The following ZNF441 variants were observed in gnomAD, a reference collection of about 807,000 sequenced individuals.
ZNF441 encodes zinc finger protein 441.
A neutral mutation model predicts 64.5 loss-of-function variants in ZNF441; 25 were observed. That is an observed-to-expected ratio of 0.39 (90% confidence interval 0.28 to 0.54). The LOEUF is 0.54. ZNF441 is among the 20% of genes least tolerant of loss of function. ZNF441 has a pLI of 0.70. For synonymous variants in ZNF441, 262 were observed against 268.0 expected (o/e 0.98, Z 0.22); for missense variants, 715 against 843.3 (o/e 0.85, Z 1.88).
At chr19:11,777,805 C>A in intron 2 of ZNF441, 68 bp downstream of exon 2, 1 of 1,549,570 alleles carries the variant, frequency 6.5e-7, no homozygotes, top group South Asian at 1.2e-5. Flanking sequence ...CAATGCTGTT[C>A]AATTATTTGA....
Position 11,781,959 on chromosome 19 carries a change from T to A in ZNF441, c.*53T>A. ...TGAGAAAGCCTTAAGTACTTTCAGC[T>A]TCTTACAAATACATAAGAGACTCAC... On this transcript the variant is annotated 3_prime_UTR_variant, in exon 4 of 4. Coordinates refer to ENST00000357901, the MANE Select transcript of ZNF441 (RefSeq NM_152355.3). 1 of 1,400,142 alleles carries A rather than the reference T, an allele frequency of 7.1e-7. No homozygotes were observed. Among genetic ancestry groups the A allele is most frequent in the Non-Finnish European group, 9.6e-7 (1 of 1,044,270 alleles). The allele number at this position is 1,400,142 out of a possible 1,614,324, so 86.7% of individuals were successfully genotyped here.
intron 3 of ZNF441, among the ~76,000 whole-genome samples, chr19:11,779,185 G>A (rs371456879): frequency 8.6e-5 from 13 of 151,940 alleles, no homozygotes; most frequent in African/African-American, 3.1e-4. Flanking sequence ...TAGGCATGGT[G>A]GCCTGTGCTT....
rs116955129 is a variant in ZNF441, at chr19:11,772,358, A to C, written c.3+5162A>C. Among the ~76,000 whole-genome samples, 524 of 152,258 alleles carry C rather than the reference A, an allele frequency of 3.4e-3. 20 individuals carry two copies. In the East Asian group the frequency reaches 0.084, roughly 24 times the overall value. ...TTTCTACGCTCTCTCGTCACCGCAC[A>C]TGGGGAGAAACTCACCGACCCTGTG... is the stretch of plus-strand genomic sequence containing the variant. On this transcript the variant is annotated intron_variant, in intron 1 of 3. Coordinates refer to ENST00000357901, the MANE Select transcript of ZNF441 (RefSeq NM_152355.3).
rs1032828817 is a variant in ZNF441 at position 11,778,792 on chromosome 19, G to A, written c.194+399G>A. Among the ~76,000 whole-genome samples the A allele has an allele frequency of 3.9e-5, 6 of 152,106 alleles. No individual in the cohort carries two copies. In the East Asian group the frequency reaches 7.7e-4, roughly 20 times the overall value. On this transcript the variant is annotated intron_variant, in intron 3 of 3. Transcript: ENST00000357901. ...AAAAAGAAGCAAGGAAAATTAACAA[G>A]CCCACCTTAAATTTATTTATTCTTA...
chr19:11,781,723 C>T lies in ZNF441; in HGVS notation c.1899C>T (p.His633=), dbSNP rs768196571. The T allele has an allele frequency of 3.8e-5, 61 of 1,613,774 alleles. No individual in the cohort carries two copies. Among genetic ancestry groups the T allele is most frequent in the East Asian group, 6.7e-5 (3 of 44,876 alleles). The stretch of plus-strand genomic sequence containing the variant: ...GTCATTCAAGTTACTTACGAATACA[C>T]GAAAGAGTTCATACTGGAGAGAAGC... The part of the protein sequence containing the change: ...AFSHSSYLRI[H]ERVHTGEKPY... The change falls in exon 4 of 4, where the codon CAC becomes CAT. Residue 633 remains histidine, a synonymous_variant. Transcript: ENST00000357901.
In ZNF441 at chr19:11,771,817, G is replaced by A. The variant is rs539069120; in HGVS notation, c.3+4621G>A. On this transcript the variant is annotated intron_variant, in intron 1 of 3. Coordinates refer to ENST00000357901, the MANE Select transcript of ZNF441 (RefSeq NM_152355.3). ...AGGAACACCCACTACTTAGCAGACC[G>A]GGAAAGGGAGTCTCCTTTTCCCCGG... 1.1e-4 allele frequency among the ~76,000 whole-genome samples: 17 copies of A among 152,304 alleles called. No individual in the cohort carries two copies. In the South Asian group the frequency reaches 2.3e-3, roughly 20 times the overall value.
intron 3 of ZNF441, among the ~76,000 whole-genome samples, chr19:11,779,435 A>G (rs1382789304): frequency 6.6e-6 from 1 of 152,036 alleles, no homozygotes; most frequent in African/African-American, 2.4e-5. Flanking sequence ...CAGGAGTTCA[A>G]GACTAGCCTG....
chr19:11,767,237 A>C lies in ZNF441; in HGVS notation c.3+41A>C. On this transcript the variant is annotated intron_variant, in intron 1 of 3. Transcript: ENST00000357901. The surrounding 1 kb of genome is among the most constrained non-coding windows in gnomAD (Gnocchi z 5.1). Reference sequence around the variant, plus strand: ...CTGGTGTCCCGACGCGTGAGAGGAGAGACTGGTTGGAACCGGCCGGAACCG... The same window carrying C: ...CTGGTGTCCCGACGCGTGAGAGGAGCGACTGGTTGGAACCGGCCGGAACCG... 6.4e-7 allele frequency: 1 copy of C among 1,555,168 alleles called. No individual in the cohort carries two copies. The highest frequency in any genetic ancestry group is 8.7e-7 in the Non-Finnish European group (1 of 1,149,142).
In ZNF441 at chr19:11,773,363, G is replaced by A. The variant is rs10409327; in HGVS notation, c.4-4248G>A. 7.2e-3 allele frequency among the ~76,000 whole-genome samples: 1,102 copies of A among 152,260 alleles called. 7 individuals are homozygous for A. Among genetic ancestry groups the A allele is most frequent in the African/African-American group, 0.026 (1,060 of 41,546 alleles). On this transcript the variant is annotated intron_variant, in intron 1 of 3. Transcript: ENST00000357901. ...GTGTTCAAGTGTGTTTTATGATTCA[G>A]AATATGGTCTATCTTGGTATATACT...
Position 11,783,465 on chromosome 19 carries a change from C to G in ZNF441, c.*1559C>G, listed in dbSNP as rs1025913648. 1.3e-5 allele frequency: 2 copies of G among 152,216 alleles called. No homozygotes were observed. The highest frequency in any genetic ancestry group is 2.9e-5 in the Non-Finnish European group (2 of 68,028). The allele number at this position is 152,216 out of a possible 1,614,324, so 9.4% of individuals were successfully genotyped here. ...AAGAAATCAGTATATCAAAGAGATA[C>G]TTGCACTTGCATATTTATCACAGCA... is the stretch of plus-strand genomic sequence containing the variant. On this transcript the variant is annotated 3_prime_UTR_variant, in exon 4 of 4. Transcript: ENST00000357901.
rs755325644 is a variant in ZNF441, at chr19:11,780,057, A to G, written c.233A>G (p.Asn78Ser). ...GAGAGAGCCTGTGAAATTAAAGATA[A>G]TAGTCAATGTGGAGGACCCTTTACC... is the stretch of plus-strand genomic sequence containing the variant. ...MVERACEIKD[N>S]SQCGGPFTQT... is the part of the protein sequence containing the mutation. The change falls in exon 4 of 4, where the codon AAT becomes AGT. Residue 78 changes from asparagine to serine, a missense_variant. Around this residue, in one of 2 missense-constraint regions of ZNF441, gnomAD observed 399 missense variants for 413.9 expected, o/e 0.96. Transcript: ENST00000357901. The G allele has an allele frequency of 4.3e-6, 7 of 1,613,632 alleles. No individual in the cohort carries two copies. The highest frequency in any genetic ancestry group is 4.0e-5 in the African/African-American group (3 of 74,952).
intron 1 of ZNF441, among the ~76,000 whole-genome samples, 172 bp from the exon 2 acceptor site, chr19:11,777,439 G>A (rs573614136): frequency 6.6e-6 from 1 of 152,168 alleles, no homozygotes; most frequent in Non-Finnish European, 1.5e-5. Flanking sequence ...TCATTTCTAG[G>A]ATCAGAATTG....
rs1025825015 is a variant in ZNF441, at chr19:11,780,024, A to G, written c.200A>G (p.His67Arg). The G allele has an allele frequency of 6.2e-7, 1 of 1,605,082 alleles. No homozygotes were observed. The highest frequency in any genetic ancestry group is 8.5e-7 in the Non-Finnish European group (1 of 1,173,762). Residue 67 changes from histidine (H) to arginine (R), a missense_variant, in exon 4 of 4, where the codon CAT becomes CGT. Coordinates refer to ENST00000357901, the MANE Select transcript of ZNF441 (RefSeq NM_152355.3). ...GTACTTCTTATTTTTTACAGATGTC[A>G]TATGGTAGAGAGAGCCTGTGAAATT... ...YKDLRRNLRC[H>R]MVERACEIKD...
At position 11,767,962 on chromosome 19, in the gene ZNF441, G is replaced by C. The variant is rs1975284372; in HGVS notation, c.3+766G>C. ...CCTGGCTCGCAGTTCTGTGAACCCGGTGAGGAGGCTGCACGGTGATGACAG... is the reference window on the plus strand; with the variant it reads ...CCTGGCTCGCAGTTCTGTGAACCCGCTGAGGAGGCTGCACGGTGATGACAG... On this transcript the variant is annotated intron_variant, in intron 1 of 3. Transcript: ENST00000357901. The surrounding 1 kb of genome is among the most constrained non-coding windows in gnomAD (Gnocchi z 5.1). 6.6e-6 allele frequency among the ~76,000 whole-genome samples: 1 copy of C among 152,162 alleles called. No homozygotes were observed. Among genetic ancestry groups the C allele is most frequent in the Non-Finnish European group, 1.5e-5 (1 of 68,030 alleles).
intron 1 of ZNF441, among the ~76,000 whole-genome samples, chr19:11,768,433 C>T (rs1441761982): frequency 1.3e-5 from 2 of 152,212 alleles, no homozygotes; most frequent in Non-Finnish European, 2.9e-5. Context: ...TTACTGTCCT[C>T]CCTTCATCAT....
chr19:11,778,211 T>C, intron 2 of ZNF441, 119 bp from the exon 3 acceptor site: 1 of 731,794 alleles, frequency 1.4e-6, no homozygotes. Flanking sequence ...AAACCTGTGT[T>C]GAAGACTCAG....
Position 11,780,688 on chromosome 19 carries a change from AT to A in ZNF441, c.868del (p.Tyr290IlefsTer10). On this transcript the variant is annotated frameshift_variant, in exon 4 of 4. Transcript: ENST00000357901. LOFTEE classifies it high-confidence loss of function. ...ATGAATGTAAGCAATGTGGGAAAGC[AT>A]TTTATCATCTTGGAAGCTTTCAAAG... ...SYECKQCGKA[F>X]YHLGSFQRHM... The A allele has an allele frequency of 6.2e-7, 1 of 1,613,958 alleles. No homozygotes were observed. The highest frequency in any genetic ancestry group is 8.5e-7 in the Non-Finnish European group (1 of 1,179,982).
intron 1 of ZNF441, among the ~76,000 whole-genome samples, chr19:11,773,133 A>C (rs1282143447): frequency 1.3e-5 from 2 of 152,006 alleles, no homozygotes; most frequent in Admixed American, 6.6e-5. Context: ...CATTCTAAAA[A>C]TTTTGCTATG....
chr19:11,771,745 C>T (rs1486494722), intron 1 of ZNF441, among the ~76,000 whole-genome samples: 14 of 152,346 alleles, frequency 9.2e-5, no homozygotes, highest in Non-Finnish European at 1.6e-4. Context: ...TCTGGGAAGA[C>T]GCCCGTTGCC....
Sources: gnomAD v4.1 joint callset for allele counts (sites outside exome capture counted in the v4.1 genomes callset) on GRCh38, gnomAD v4.1.1 for gene constraint, gnomAD v4.1.1 regional missense constraint, Gnocchi (gnomAD v3.1) non-coding constraint, MANE v1.5 for transcripts, NCBI Gene and HGNC (gene_info 2026-07-23, HGNC 2026-07-21) for gene names.